BBX: variants seen among roughly 807,000 people sequenced by gnomAD.
The protein encoded by BBX is HMG box transcription factor BBX.
A neutral mutation model predicts 100.2 loss-of-function variants in BBX; 30 were observed. The observed-to-expected ratio is 0.30, with a 90% CI of 0.22 to 0.41. BBX has a LOEUF of 0.41. Ranked by LOEUF, BBX falls within the 10% of genes least tolerant of loss-of-function variation. The probability of loss-of-function intolerance (pLI) is 1.00; values close to 1 mark genes in which losing one functional copy is unlikely to be tolerated. For missense variants in BBX, 1,023 were observed against 1,129.8 expected, an observed-to-expected ratio of 0.91 and a Z score of 1.35; for synonymous variants, 376 against 388.1, an observed-to-expected ratio of 0.97 and a Z score of 0.37.
chr3:107,589,200 G>A (rs2053093478), intron 2 of BBX, among the ~76,000 whole-genome samples: 1 of 152,176 alleles, frequency 6.6e-6, no homozygotes, highest in South Asian at 2.1e-4. Flanking sequence ...ACTTGAGCTT[G>A]TTATTTACAC....
At chr3:107,705,690 A>G (rs1429270150) in intron 3 of BBX, among the ~76,000 whole-genome samples, 1 of 152,224 alleles carries the variant, frequency 6.6e-6, no homozygotes, top group Admixed American at 6.5e-5. Flanking sequence ...TTCCCAGTCT[A>G]AAAAGCTTGT....
intron 10 of BBX, among the ~76,000 whole-genome samples, chr3:107,757,297 T>G (rs1403427864): frequency 6.6e-6 from 1 of 151,890 alleles, no homozygotes; most frequent in Non-Finnish European, 1.5e-5. Context: ...GGCATAGCAG[T>G]CATAAAAAAA....
At chr3:107,591,506 T>G (rs1262300680) in intron 2 of BBX, among the ~76,000 whole-genome samples, 1 of 152,172 alleles carries the variant, frequency 6.6e-6, no homozygotes, top group African/African-American at 2.4e-5. Context: ...TTTATTTTTT[T>G]GAGACACTTC....
At chr3:107,523,249 G>A in intron 1 of BBX, 142 bp downstream of exon 1, 1 of 224,062 alleles carries the variant, frequency 4.5e-6, no homozygotes, top group South Asian at 5.2e-5. Context: ...GGCGGCGGCA[G>A]CCGGTAGGGT....
chr3:107,557,044 A>G (rs951856803), intron 2 of BBX, among the ~76,000 whole-genome samples: 1 of 152,228 alleles, frequency 6.6e-6, no homozygotes, highest in Non-Finnish European at 1.5e-5. Context: ...GGTAAAATTG[A>G]CATACAGTGA....
At chr3:107,553,027 T>G (rs561440298) in intron 2 of BBX, among the ~76,000 whole-genome samples, 1 of 152,318 alleles carries the variant, frequency 6.6e-6, no homozygotes, top group South Asian at 2.1e-4. Flanking sequence ...AAAATTTTAT[T>G]TTGGTGTTAA....
rs201467280 is a variant in BBX at position 107,782,344 on chromosome 3, CA to C, written c.2203+3827del. 2.6e-3 allele frequency among the ~76,000 whole-genome samples: 399 copies of C among 152,168 alleles called. 8 individuals carry two copies. The East Asian group carries it at 0.063, about 24-fold the overall frequency. On this transcript the variant is annotated intron_variant, in intron 13 of 17. Coordinates refer to ENST00000325805, the MANE Select transcript of BBX (RefSeq NM_001142568.3). ...TTTTTCATTGGGTACTCATTACTTA[CA>C]AGTCCAATACAGAAATGGTAGCCTA...
chr3:107,584,096 T>C (rs839984), intron 2 of BBX, among the ~76,000 whole-genome samples: 1 of 8,980 alleles, frequency 1.1e-4, no homozygotes, highest in African/African-American at 4.0e-4. Context: ...TATCATATAT[T>C]ATATATATTA....
rs529560010 is a variant in BBX, at chr3:107,650,306, A to G, written c.-10+4397A>G. Among the ~76,000 whole-genome samples the G allele has an allele frequency of 2.6e-5, 4 of 152,204 alleles. No individual in the cohort carries two copies. The East Asian group carries it at 7.7e-4, about 29-fold the overall frequency. ...CTGAACCCTACTGTGGACTGCATAT[A>G]TGAGGGATCTAGGTTGCATGCTCCT... On this transcript the variant is annotated intron_variant, in intron 3 of 17. Coordinates refer to ENST00000325805, the MANE Select transcript of BBX (RefSeq NM_001142568.3).
intron 10 of BBX, among the ~76,000 whole-genome samples, chr3:107,766,227 A>G (rs2066385430): frequency 6.6e-6 from 1 of 152,212 alleles, no homozygotes; most frequent in Non-Finnish European, 1.5e-5. Context: ...CAGTAAAAGA[A>G]CGAGGAAGAT....
chr3:107,574,295 TA>T (rs749450653), intron 2 of BBX, among the ~76,000 whole-genome samples: 5 of 152,202 alleles, frequency 3.3e-5, no homozygotes, highest in East Asian at 1.9e-4. Flanking sequence ...ACACACCTAA[TA>T]GGGGGCTCCA....
Position 107,747,996 on chromosome 3 carries a change from C to G in BBX, c.782C>G (p.Ser261Cys). 1 of 1,613,564 alleles carries G rather than the reference C, an allele frequency of 6.2e-7. No individual in the cohort carries two copies. Among genetic ancestry groups the G allele is most frequent in the Non-Finnish European group, 8.5e-7 (1 of 1,179,694 alleles). ...ISSSTSHSDA[S>C]TKQCQTSALF... ...TCAAGTACGTCCCACTCTGATGCTT[C>G]TACAAAGCAGTGTCAAACATCTGCC... The change falls in exon 9 of 18, where the codon TCT becomes TGT. Residue 261 changes from serine to cysteine, a missense_variant. Around this residue, in one of 9 missense-constraint regions of BBX, gnomAD observed 95 missense variants for 95.1 expected, o/e 1.00. Coordinates refer to ENST00000325805, the MANE Select transcript of BBX (RefSeq NM_001142568.3).
At chr3:107,787,608 T>C (rs1432381318) in intron 13 of BBX, among the ~76,000 whole-genome samples, 1 of 152,214 alleles carries the variant, frequency 6.6e-6, no homozygotes, top group African/African-American at 2.4e-5. Context: ...AGTTTTATAC[T>C]TTAAATGGGT....
rs2070874857 is a variant in BBX at position 107,804,408 on chromosome 3, G to A, written c.2739-962G>A. 2.0e-5 allele frequency among the ~76,000 whole-genome samples: 3 copies of A among 152,176 alleles called. No homozygotes were observed. In the South Asian group the frequency reaches 6.2e-4, roughly 31 times the overall value. Reference sequence around the variant, plus strand: ...GTGTTATGCACTACAGACCATTGTAGGTTACAGAGCAGTGAGTGTGCATTT... The same window carrying A: ...GTGTTATGCACTACAGACCATTGTAAGTTACAGAGCAGTGAGTGTGCATTT... On this transcript the variant is annotated intron_variant, in intron 17 of 17. Coordinates refer to ENST00000325805, the MANE Select transcript of BBX (RefSeq NM_001142568.3).
chr3:107,681,521 G>A (rs2107996180), intron 3 of BBX, among the ~76,000 whole-genome samples: 2 of 152,136 alleles, frequency 1.3e-5, no homozygotes, highest in South Asian at 4.2e-4. Context: ...AAAGGGCAGG[G>A]AAGAGCCTAG....
At chr3:107,617,234 TTCCGTTAGTCTGTGTG>T (rs1291771758) in intron 2 of BBX, among the ~76,000 whole-genome samples, 1 of 152,178 alleles carries the variant, frequency 6.6e-6, no homozygotes, top group Non-Finnish European at 1.5e-5. Flanking sequence ...CTCTATGCTG[TTCCGTTAGTCTGTGTG>T]TCTGATCGTC....
intron 2 of BBX, among the ~76,000 whole-genome samples, chr3:107,586,970 C>G (rs1463999888): frequency 1.3e-5 from 2 of 151,862 alleles, no homozygotes; most frequent in Non-Finnish European, 2.9e-5. Context: ...AGCCTGATCT[C>G]GAACTCCTGA....
chr3:107,576,798 G>A (rs7639376), intron 2 of BBX, among the ~76,000 whole-genome samples: 17,899 of 151,996 alleles, frequency 0.12, 1,390 homozygotes, highest in Middle Eastern at 0.19. Flanking sequence ...TGACCAAAAC[G>A]CACTATTTTT....
intron 2 of BBX, among the ~76,000 whole-genome samples, chr3:107,563,179 C>G (rs1179098393): frequency 6.6e-6 from 1 of 152,164 alleles, no homozygotes; most frequent in Non-Finnish European, 1.5e-5. Context: ...GGAGGGATCT[C>G]TTCCAAACAT....
Sources: allele counts gnomAD v4.1 joint callset (sites outside exome capture counted in the v4.1 genomes callset), GRCh38; gene constraint gnomAD v4.1.1; regional missense constraint gnomAD v4.1.1; transcripts MANE v1.5; gene names NCBI Gene and HGNC (gene_info 2026-07-23, HGNC 2026-07-21).